The following ATP2C1 variants were observed in gnomAD, a reference collection of about 807,000 sequenced individuals.
The protein encoded by ATP2C1 is ATPase secretory pathway Ca2+ transporting 1.
A neutral mutation model predicts 120.5 loss-of-function variants in ATP2C1; 31 were observed. The observed-to-expected ratio is 0.26, with a 90% confidence interval of 0.19 to 0.35. The LOEUF is 0.35. Ranked by LOEUF, ATP2C1 falls within the 10% of genes least tolerant of loss-of-function variation. The pLI, the probability that ATP2C1 is intolerant of heterozygous loss-of-function variation, is 1.00. For synonymous variants in ATP2C1, 351 were observed against 358.7 expected (o/e 0.98, Z 0.24); for missense variants, 731 against 1,107.5 (o/e 0.66, Z 4.83).
chr3:130,881,499 C>A (rs1292080810), intron 1 of ATP2C1, among the ~76,000 whole-genome samples: 1 of 152,076 alleles, frequency 6.6e-6, no homozygotes, highest in African/African-American at 2.4e-5. Flanking sequence ...GCTGGGACCA[C>A]AGGTGCACAC....
chr3:130,993,650 T>C (rs916619408), intron 21 of ATP2C1, among the ~76,000 whole-genome samples: 2 of 152,212 alleles, frequency 1.3e-5, no homozygotes, highest in South Asian at 4.1e-4. Context: ...CAGATGTCCC[T>C]TGGGAGACAC....
At chr3:130,907,530 T>C (rs1474698698) in intron 2 of ATP2C1, among the ~76,000 whole-genome samples, 1 of 152,048 alleles carries the variant, frequency 6.6e-6, no homozygotes, top group Non-Finnish European at 1.5e-5. Context: ...AAGACTATTC[T>C]TTTTCCATTG....
chr3:130,940,728 T>G, intron 7 of ATP2C1, 37 bp downstream of exon 7: 1 of 1,513,394 alleles, frequency 6.6e-7, no homozygotes, highest in South Asian at 1.1e-5. Context: ...TCTGCCCCTT[T>G]AAAAATAGAA....
chr3:130,979,950 T>C (rs1181897968), intron 19 of ATP2C1, among the ~76,000 whole-genome samples: 1 of 152,208 alleles, frequency 6.6e-6, no homozygotes, highest in Admixed American at 6.5e-5. Flanking sequence ...CTGATAAATT[T>C]AACAGTTGGC....
upstream of ATP2C1, among the ~76,000 whole-genome samples, chr3:130,893,549 G>A (rs1168262182): frequency 6.6e-6 from 1 of 152,218 alleles, no homozygotes; most frequent in Non-Finnish European, 1.5e-5. Context: ...TCCCTGGCAG[G>A]AGCATGGACA....
At chr3:130,932,273 C>T in intron 4 of ATP2C1, 135 bp downstream of exon 4, 1 of 661,300 alleles carries the variant, frequency 1.5e-6, no homozygotes, top group Non-Finnish European at 2.7e-6. Context: ...TAAAATTTTT[C>T]ATTTGTTGGG....
chr3:130,917,779 C>A (rs1482579651), intron 2 of ATP2C1, among the ~76,000 whole-genome samples: 3 of 152,206 alleles, frequency 2.0e-5, no homozygotes, highest in Non-Finnish European at 4.4e-5. Flanking sequence ...ACTGAAACTT[C>A]ATGAGCTTTG....
intron 27 of ATP2C1, among the ~76,000 whole-genome samples, chr3:131,000,554 A>G (rs1296888780): frequency 6.6e-6 from 1 of 152,198 alleles, no homozygotes; most frequent in Non-Finnish European, 1.5e-5. Flanking sequence ...CAAATTGTCT[A>G]CTACTGTTGA....
At chr3:130,977,950 A>G (rs1185348568) in intron 18 of ATP2C1, among the ~76,000 whole-genome samples, 4 of 152,200 alleles carry the variant, frequency 2.6e-5, no homozygotes, top group Admixed American at 1.3e-4. Flanking sequence ...GGCTCTCCAC[A>G]TGAAAAAAGT....
chr3:130,926,047 A>G (rs554684537), intron 2 of ATP2C1, among the ~76,000 whole-genome samples: 3 of 152,296 alleles, frequency 2.0e-5, no homozygotes, highest in South Asian at 2.1e-4. Flanking sequence ...GCCCCAGACC[A>G]CAAGCCTCCC....
At chr3:130,974,460 A>G (rs1168248948) in intron 17 of ATP2C1, among the ~76,000 whole-genome samples, 1 of 152,218 alleles carries the variant, frequency 6.6e-6, no homozygotes. Flanking sequence ...ACAAGTACTC[A>G]TGTTTATTGG....
intron 1 of ATP2C1, among the ~76,000 whole-genome samples, chr3:130,885,321 T>C (rs1253818901): frequency 6.6e-6 from 1 of 152,204 alleles, no homozygotes; most frequent in African/African-American, 2.4e-5. Context: ...TTGGACAGTT[T>C]AGTCCATTTG....
chr3:130,953,111 ATG>A (rs2060435272), intron 8 of ATP2C1, among the ~76,000 whole-genome samples: 3 of 151,524 alleles, frequency 2.0e-5, no homozygotes, highest in Non-Finnish European at 4.4e-5. Context: ...GTATGTATGT[ATG>A]TATATATGTA....
intron 2 of ATP2C1, among the ~76,000 whole-genome samples, chr3:130,915,456 A>T (rs912536069): frequency 6.6e-6 from 1 of 152,150 alleles, no homozygotes. Context: ...TAGTTGAAAA[A>T]TTAGGGAAAA....
intron 20 of ATP2C1, among the ~76,000 whole-genome samples, chr3:130,986,658 G>A (rs2062025965): frequency 1.3e-5 from 2 of 152,230 alleles, no homozygotes; most frequent in Non-Finnish European, 2.9e-5. Flanking sequence ...ACTTTAAAGT[G>A]GAATTCTATA....
intron 1 of ATP2C1, among the ~76,000 whole-genome samples, chr3:130,861,599 A>C (rs1290803547): frequency 1.3e-5 from 2 of 152,148 alleles, no homozygotes; most frequent in East Asian, 3.9e-4. Flanking sequence ...GCAAATGCTA[A>C]TCTCTTCCCC....
Position 130,934,731 on chromosome 3 carries a change from T to G in ATP2C1, c.324+20T>G. On this transcript the variant is annotated intron_variant, in intron 5 of 27. Coordinates refer to ENST00000510168, the MANE Select transcript of ATP2C1 (RefSeq NM_001378687.1). ...ACTGTGGTAAGAAAAAAATTACATA[T>G]TTTTAATCTGTTGAGTAAGTGTATA... 6.7e-7 allele frequency: 1 copy of G among 1,501,768 alleles called. No individual in the cohort carries two copies. Among genetic ancestry groups the G allele is most frequent in the Non-Finnish European group, 9.3e-7 (1 of 1,078,944 alleles). The allele number at this position is 1,501,768 out of a possible 1,614,324, so 93.0% of individuals were successfully genotyped here.
At chr3:130,863,167 A>T (rs889939502) in intron 1 of ATP2C1, among the ~76,000 whole-genome samples, 2 of 152,078 alleles carry the variant, frequency 1.3e-5, no homozygotes, top group Non-Finnish European at 1.5e-5. Context: ...GTTATATGAG[A>T]TCCTATTCTG....
intron 20 of ATP2C1, among the ~76,000 whole-genome samples, chr3:130,991,626 T>G (rs1007495077): frequency 8.5e-5 from 13 of 152,184 alleles, no homozygotes; most frequent in African/African-American, 2.9e-4. Context: ...TTTCTTTTTT[T>G]ATATGGAAGG....
Sources: gnomAD v4.1 joint callset for allele counts (sites outside exome capture counted in the v4.1 genomes callset) on GRCh38, gnomAD v4.1.1 for gene constraint, MANE v1.5 for transcripts, NCBI Gene and HGNC (gene_info 2026-07-23, HGNC 2026-07-21) for gene names.